Variants in RLF observed in about 807,000 individuals in gnomAD.
RLF encodes the protein zinc finger protein Rlf.
A neutral mutation model predicts 162.9 loss-of-function variants in RLF; 7 were observed. The observed-to-expected ratio is 0.04, with a 90% CI of 0.02 to 0.08. The LOEUF (loss-of-function observed/expected upper bound fraction) is 0.08. Ranked by LOEUF, RLF falls within the 10% of genes least tolerant of loss-of-function variation. The pLI is 1.00. For synonymous variants in RLF, 782 were observed against 791.5 expected (o/e 0.99, Z 0.20); for missense variants, 1,664 against 2,244.7 (o/e 0.74, Z 5.23).
chr1:40,173,023 G>A (rs1197550059), intron 1 of RLF, among the ~76,000 whole-genome samples: 1 of 151,216 alleles, frequency 6.6e-6, no homozygotes. Context: ...CAATCTGATA[G>A]GAAAGAATTA....
intron 5 of RLF, among the ~76,000 whole-genome samples, chr1:40,206,513 T>G (rs892487420): frequency 6.6e-6 from 1 of 152,248 alleles, no homozygotes; most frequent in Admixed American, 6.5e-5. Flanking sequence ...ACTGGCATAC[T>G]TGGTTTTACT....
chr1:40,232,173 A>C (rs1570564205), intron 7 of RLF, among the ~76,000 whole-genome samples: 1 of 150,534 alleles, frequency 6.6e-6, no homozygotes, highest in Non-Finnish European at 1.5e-5. Flanking sequence ...GCACTGCTGC[A>C]CTCCAGCCTA....
chr1:40,228,757 A>G (rs1643113873), intron 6 of RLF, among the ~76,000 whole-genome samples: 1 of 151,928 alleles, frequency 6.6e-6, no homozygotes, highest in Admixed American at 6.6e-5. Context: ...AGTATCTGGG[A>G]TTATAGGCAT....
chr1:40,176,477 CTCTGT>C (rs1453004655), intron 1 of RLF, among the ~76,000 whole-genome samples: 1 of 152,186 alleles, frequency 6.6e-6, no homozygotes, highest in Non-Finnish European at 1.5e-5. Context: ...TAGGGTCTTA[CTCTGT>C]CACCCAGGCT....
At chr1:40,195,530 A>G (rs1642623303) in intron 3 of RLF, 102 bp from the exon 4 acceptor site, 7 of 913,804 alleles carry the variant, frequency 7.7e-6, no homozygotes, top group Non-Finnish European at 1.1e-5. Context: ...CAGGAAATCC[A>G]AATAGGTTCT....
At chr1:40,218,986 T>C (rs575379169) in intron 5 of RLF, among the ~76,000 whole-genome samples, 1 of 150,704 alleles carries the variant, frequency 6.6e-6, no homozygotes, top group African/African-American at 2.5e-5. Context: ...ATTGTTTCAG[T>C]ATCTTAAGTA....
At chr1:40,222,451 A>G (rs955299138) in intron 5 of RLF, 123 bp from the exon 6 acceptor site, 2 of 769,266 alleles carry the variant, frequency 2.6e-6, no homozygotes, top group African/African-American at 1.8e-5. Flanking sequence ...AAGAAGACTC[A>G]TTCATTAGCA....
At chr1:40,207,609 T>G (rs912444424) in intron 5 of RLF, among the ~76,000 whole-genome samples, 1 of 152,134 alleles carries the variant, frequency 6.6e-6, no homozygotes, top group African/African-American at 2.4e-5. Flanking sequence ...TATCAGATTT[T>G]TTTGTTGAAA....
intron 1 of RLF, among the ~76,000 whole-genome samples, chr1:40,188,413 A>G (rs1642514100): frequency 6.6e-6 from 1 of 152,212 alleles, no homozygotes; most frequent in African/African-American, 2.4e-5. Flanking sequence ...CTGTGTGGTA[A>G]GAGGACTATT....
chr1:40,226,780 A>C (rs1409142570), intron 6 of RLF, among the ~76,000 whole-genome samples: 1 of 152,142 alleles, frequency 6.6e-6, no homozygotes, highest in Non-Finnish European at 1.5e-5. Context: ...TCTGAATCTC[A>C]GTGTAACATG....
intron 1 of RLF, among the ~76,000 whole-genome samples, chr1:40,166,521 T>G (rs1199112980): frequency 1.3e-5 from 2 of 152,054 alleles, no homozygotes; most frequent in Admixed American, 6.6e-5. Flanking sequence ...CCCAAAGGAT[T>G]ATAAATCATG....
intron 5 of RLF, among the ~76,000 whole-genome samples, chr1:40,209,469 A>G (rs1642839716): frequency 6.6e-6 from 1 of 152,216 alleles, no homozygotes; most frequent in Non-Finnish European, 1.5e-5. Flanking sequence ...GGGGTGCAGA[A>G]CTAGGGAGGA....
chr1:40,212,806 G>A (rs1029627826), intron 5 of RLF, among the ~76,000 whole-genome samples: 2 of 152,144 alleles, frequency 1.3e-5, no homozygotes, highest in Non-Finnish European at 2.9e-5. Context: ...CAGTCACTAG[G>A]TATAAATGAT....
At chr1:40,210,720 A>G (rs1642854407) in intron 5 of RLF, among the ~76,000 whole-genome samples, 1 of 152,214 alleles carries the variant, frequency 6.6e-6, no homozygotes, top group Non-Finnish European at 1.5e-5. Flanking sequence ...TGACCGGGCA[A>G]AAACAGAGGA....
intron 5 of RLF, among the ~76,000 whole-genome samples, chr1:40,202,947 T>C (rs1642738214): frequency 6.6e-6 from 1 of 152,094 alleles, no homozygotes; most frequent in Admixed American, 6.6e-5. Flanking sequence ...TTGTTAATCA[T>C]GGCATCAAGG....
At chr1:40,235,722 C>A in intron 7 of RLF, 70 bp from the exon 8 acceptor site, 5 of 1,130,278 alleles carry the variant, frequency 4.4e-6, no homozygotes, top group Non-Finnish European at 3.7e-6. Context: ...GCTAAAATTC[C>A]TTATCAGTGA....
intron 5 of RLF, among the ~76,000 whole-genome samples, chr1:40,209,554 G>A (rs1460826430): frequency 2.6e-5 from 4 of 152,184 alleles, no homozygotes; most frequent in Admixed American, 2.6e-4. Flanking sequence ...CACAGAGATA[G>A]CCTCCTATGA....
chr1:40,214,727 C>T (rs1330120688), intron 5 of RLF, among the ~76,000 whole-genome samples: 3 of 151,656 alleles, frequency 2.0e-5, no homozygotes, highest in African/African-American at 7.3e-5. Context: ...GCAACATCTA[C>T]ATGTGCAACA....
chr1:40,235,816 T>C lies in RLF; in HGVS notation c.1114T>C (p.Ser372Pro). Residue 372 changes from serine to proline, a missense_variant, in exon 8 of 8, where the codon TCA becomes CCA. This residue lies in a region of RLF where 287 missense variants were observed against 404.9 expected (regional missense o/e 0.71). Coordinates refer to ENST00000372771, the MANE Select transcript of RLF (RefSeq NM_012421.4). ...GGCACAAGATGCTGGTCTTGGGGTG[T>C]CAATTTTACTGTGTGTCAGAGCTCT... is the stretch of plus-strand genomic sequence containing the variant. ...TEAQDAGLGVSILLCVRALQL... is the reference protein window; with the variant it reads ...TEAQDAGLGVPILLCVRALQL... 1 of 1,593,242 alleles carries C rather than the reference T, an allele frequency of 6.3e-7. No individual in the cohort carries two copies. The highest frequency in any genetic ancestry group is 8.5e-7 in the Non-Finnish European group (1 of 1,171,536).
Sources: gnomAD v4.1 joint callset for allele counts (sites outside exome capture counted in the v4.1 genomes callset) on GRCh38, gnomAD v4.1.1 for gene constraint, gnomAD v4.1.1 regional missense constraint, MANE v1.5 for transcripts, NCBI Gene and HGNC (gene_info 2026-07-23, HGNC 2026-07-21) for gene names.